The following RIMS2 variants were observed in gnomAD, a reference collection of about 807,000 sequenced individuals.
RIMS2 encodes regulating synaptic membrane exocytosis protein 2.
In RIMS2, 59 loss-of-function variants were observed where a neutral mutation model predicts 174.4. The ratio of observed to expected loss-of-function variants is 0.34; its 90% CI spans 0.27 to 0.42. The LOEUF (loss-of-function observed/expected upper bound fraction) is 0.42. Among genes scored for constraint, RIMS2 ranks in the 10% least tolerant of loss-of-function variants. RIMS2 has a pLI of 1.00. For missense variants in RIMS2, 1,620 were observed against 1,666.3 expected (o/e 0.97, Z 0.48); for synonymous variants, 606 against 572.5 (o/e 1.06, Z -0.84).
intron 3 of RIMS2, among the ~76,000 whole-genome samples, chr8:103,770,243 C>T (rs1313919501): frequency 2.0e-5 from 3 of 152,088 alleles, no homozygotes; most frequent in African/African-American, 7.2e-5. Flanking sequence ...GCTACAATTC[C>T]GTAGTTGAGT....
chr8:104,047,451 A>C (rs935895761), intron 19 of RIMS2, among the ~76,000 whole-genome samples: 3 of 152,066 alleles, frequency 2.0e-5, no homozygotes, highest in African/African-American at 7.2e-5. Flanking sequence ...CATCAGCTCC[A>C]CCACTTACTT....
chr8:103,903,477 GA>G (rs1372937146), intron 4 of RIMS2, among the ~76,000 whole-genome samples: 2 of 152,046 alleles, frequency 1.3e-5, no homozygotes, highest in Non-Finnish European at 2.9e-5. Context: ...ATGACTGTAT[GA>G]CAAAATGTTG....
At chr8:103,871,689 A>C (rs750466670) in intron 3 of RIMS2, among the ~76,000 whole-genome samples, 5 of 152,158 alleles carry the variant, frequency 3.3e-5, no homozygotes, top group Admixed American at 2.6e-4. Flanking sequence ...TTGTCACAAC[A>C]TGCAACTCAA....
intron 1 of RIMS2, among the ~76,000 whole-genome samples, chr8:103,592,285 A>G (rs368510322): frequency 9.6e-4 from 146 of 151,398 alleles, no homozygotes; most frequent in African/African-American, 3.2e-3. Flanking sequence ...AGGGAATAAC[A>G]TAACACCAAG....
chr8:103,584,498 TAA>T (rs1484432131), intron 1 of RIMS2, among the ~76,000 whole-genome samples: 8 of 152,038 alleles, frequency 5.3e-5, no homozygotes, highest in Non-Finnish European at 1.0e-4. Context: ...GTGGAAAGAG[TAA>T]ATAATGACAC....
At chr8:104,042,157 C>A (rs529043961) in intron 19 of RIMS2, among the ~76,000 whole-genome samples, 1 of 151,388 alleles carries the variant, frequency 6.6e-6, no homozygotes, top group South Asian at 2.1e-4. Flanking sequence ...TGGTATGATT[C>A]CTTTCCCCTG....
At chr8:103,540,703 C>CA in intron 1 of RIMS2, among the ~76,000 whole-genome samples, 1 of 152,036 alleles carries the variant, frequency 6.6e-6, no homozygotes, top group Non-Finnish European at 1.5e-5. Flanking sequence ...AGAAAGAATC[C>CA]AAAGTAATTG....
At chr8:104,018,556 A>G (rs749581486) in intron 19 of RIMS2, among the ~76,000 whole-genome samples, 9 of 152,272 alleles carry the variant, frequency 5.9e-5, no homozygotes, top group Non-Finnish European at 1.3e-4. Context: ...CCTGACCAAG[A>G]CATACACCTA....
At chr8:104,107,990 AACT>A (rs2098110101) in intron 19 of RIMS2, among the ~76,000 whole-genome samples, 1 of 147,384 alleles carries the variant, frequency 6.8e-6, no homozygotes, top group Admixed American at 6.7e-5. Flanking sequence ...AATGGAAATA[AACT>A]ACTATTTCAG....
At chr8:104,160,216 C>T (rs543871123) in intron 19 of RIMS2, among the ~76,000 whole-genome samples, 6 of 152,088 alleles carry the variant, frequency 3.9e-5, no homozygotes, top group African/African-American at 1.4e-4. Flanking sequence ...TCCCATCAGA[C>T]TATAAATTTC....
intron 2 of RIMS2, among the ~76,000 whole-genome samples, chr8:103,755,399 T>G (rs2097977195): frequency 6.6e-6 from 1 of 152,222 alleles, no homozygotes; most frequent in Non-Finnish European, 1.5e-5. Flanking sequence ...ATCTGACGAT[T>G]ATGTGTCTTG....
chr8:104,089,671 C>G (rs1165726547), intron 19 of RIMS2, among the ~76,000 whole-genome samples: 1 of 151,746 alleles, frequency 6.6e-6, no homozygotes, highest in Admixed American at 6.6e-5. Context: ...ACATTTGGTG[C>G]AAGCCTTGAG....
At chr8:103,650,087 C>T (rs779767768) in intron 1 of RIMS2, among the ~76,000 whole-genome samples, 1 of 151,884 alleles carries the variant, frequency 6.6e-6, no homozygotes, top group Non-Finnish European at 1.5e-5. Flanking sequence ...GGGTTGGTGA[C>T]CTTTGATTTG....
At chr8:104,223,618 C>T (rs1295869922) in intron 19 of RIMS2, 21 of 1,577,746 alleles carry the variant, frequency 1.3e-5, no homozygotes, top group African/African-American at 6.7e-5. Context: ...CGCCGCGTAT[C>T]TTGTACCGCG....
intron 15 of RIMS2, among the ~76,000 whole-genome samples, chr8:103,969,739 T>C (rs770935969): frequency 6.6e-6 from 1 of 152,150 alleles, no homozygotes; most frequent in Non-Finnish European, 1.5e-5. Flanking sequence ...TGCCTTTTGG[T>C]ATGTAATTTT....
chr8:103,719,988 C>T (rs1333936484), intron 2 of RIMS2, among the ~76,000 whole-genome samples: 1 of 152,016 alleles, frequency 6.6e-6, no homozygotes, highest in African/African-American at 2.4e-5. Context: ...TCTCTTGAGA[C>T]AACACTAGAT....
chr8:103,575,835 C>T lies in RIMS2; in HGVS notation c.176+74773C>T, dbSNP rs1305427658. On this transcript the variant is annotated intron_variant, in intron 1 of 23. Coordinates refer to ENST00000504942, the Ensembl canonical transcript of RIMS2. The stretch of plus-strand genomic sequence containing the variant: ...ATTGGATTTCCATGATGCTCCTCCC[C>T]ACAATCTGCCTGGCACCAGATATGC... Among the ~76,000 whole-genome samples the T allele has an allele frequency of 2.0e-5, 3 of 151,964 alleles. No homozygotes were observed. In the East Asian group the frequency reaches 5.8e-4, roughly 29 times the overall value.
chr8:104,127,433 A>G (rs987809060), intron 19 of RIMS2, among the ~76,000 whole-genome samples: 14 of 152,174 alleles, frequency 9.2e-5, no homozygotes, highest in African/African-American at 3.1e-4. Flanking sequence ...AGAGTTCACT[A>G]TATTGGAAGA....
At chr8:103,605,747 G>A (rs1221915397) in intron 1 of RIMS2, among the ~76,000 whole-genome samples, 1 of 152,038 alleles carries the variant, frequency 6.6e-6, no homozygotes, top group African/African-American at 2.4e-5. Context: ...ATGTGTCGAG[G>A]AATTTATCCA....
Sources: gnomAD v4.1 joint callset for allele counts (sites outside exome capture counted in the v4.1 genomes callset) on GRCh38, gnomAD v4.1.1 for gene constraint, MANE v1.5 for transcripts, NCBI Gene and HGNC (gene_info 2026-07-23, HGNC 2026-07-21) for gene names.